C13orf46: variants seen among roughly 807,000 people sequenced by gnomAD.
The protein encoded by C13orf46 is uncharacterized protein C13orf46.
At chr13:113,950,228 C>A (rs1371566290), downstream of C13orf46, among the ~76,000 whole-genome samples, 2 of 134,692 alleles carry the variant, frequency 1.5e-5, 1 homozygote, top group Non-Finnish European at 3.1e-5. Context: ...CCTCGGTGCT[C>A]CCATCTGTAG....
At chr13:113,964,071 G>C (rs897179141) in intron 6 of C13orf46, among the ~76,000 whole-genome samples, 2 of 152,074 alleles carry the variant, frequency 1.3e-5, no homozygotes, top group Non-Finnish European at 2.9e-5. Flanking sequence ...GGATGGTCTC[G>C]ATCTCCTGAC....
chr13:113,941,765 G>A, the C13orf46 span, among the ~76,000 whole-genome samples: 10 of 152,288 alleles, frequency 6.6e-5, no homozygotes, highest in South Asian at 2.1e-4. Context: ...AGGCAGCTGC[G>A]CAGGGTCCCT....
chr13:113,961,324 T>C (rs2052584877), intron 6 of C13orf46, among the ~76,000 whole-genome samples: 1 of 151,966 alleles, frequency 6.6e-6, no homozygotes, highest in African/African-American at 2.4e-5. Flanking sequence ...ATAATTTTGA[T>C]AATGTCCAAT....
the C13orf46 span, among the ~76,000 whole-genome samples, chr13:113,943,049 G>A: frequency 6.6e-6 from 1 of 152,230 alleles, no homozygotes; most frequent in Non-Finnish European, 1.5e-5. Context: ...GTCCCACTGA[G>A]GCTCGGCTCC....
chr13:113,958,501 G>C (rs1330939984), intron 6 of C13orf46, among the ~76,000 whole-genome samples: 3 of 152,178 alleles, frequency 2.0e-5, no homozygotes, highest in Non-Finnish European at 2.9e-5. Flanking sequence ...TGCACACGAC[G>C]TCTGCCGCGG....
At chr13:113,935,046 A>C in the C13orf46 span, among the ~76,000 whole-genome samples, 8 of 152,138 alleles carry the variant, frequency 5.3e-5, no homozygotes, top group South Asian at 2.1e-4. Context: ...GAGCCAAGGC[A>C]TTCCTCCCTC....
the C13orf46 span, among the ~76,000 whole-genome samples, chr13:113,946,311 C>G: frequency 6.6e-6 from 1 of 152,210 alleles, no homozygotes; most frequent in African/African-American, 2.4e-5. Context: ...ACTCACGTAA[C>G]AGGACCTATG....
chr13:113,945,510 A>C, the C13orf46 span, among the ~76,000 whole-genome samples: 1 of 151,084 alleles, frequency 6.6e-6, no homozygotes. Context: ...GCGCCACTGC[A>C]CTCAGCCTGG....
chr13:113,942,521 A>G, the C13orf46 span, among the ~76,000 whole-genome samples: 10 of 152,182 alleles, frequency 6.6e-5, no homozygotes, highest in Non-Finnish European at 1.3e-4. Context: ...TGGACACATC[A>G]GCTCAGGAGC....
the C13orf46 span, among the ~76,000 whole-genome samples, chr13:113,933,435 T>C: frequency 6.6e-6 from 1 of 152,242 alleles, no homozygotes; most frequent in South Asian, 2.1e-4. Flanking sequence ...AATCAAGTAA[T>C]ATAAATTCTT....
chr13:113,957,072 T>C (rs1350157817), intron 6 of C13orf46, among the ~76,000 whole-genome samples: 1 of 150,128 alleles, frequency 6.7e-6, no homozygotes, highest in Non-Finnish European at 1.5e-5. Flanking sequence ...TATGCTCCCA[T>C]TTCATCAAGC....
downstream of C13orf46, among the ~76,000 whole-genome samples, chr13:113,952,609 C>G (rs981604105): frequency 1.3e-5 from 2 of 152,224 alleles, no homozygotes; most frequent in African/African-American, 4.8e-5. Flanking sequence ...CGGGGGCCAC[C>G]ACCCCAGGAC....
At chr13:113,965,752 A>ATGG (rs1465417063) in intron 5 of C13orf46, among the ~76,000 whole-genome samples, 1 of 47,760 alleles carries the variant, frequency 2.1e-5, no homozygotes, top group African/African-American at 1.1e-4. Flanking sequence ...GATGGTGATG[A>ATGG]TGGTGATGGT....
chr13:113,963,254 C>A (rs1424256817), intron 6 of C13orf46, among the ~76,000 whole-genome samples: 10 of 143,274 alleles, frequency 7.0e-5, no homozygotes, highest in Non-Finnish European at 1.4e-4. Context: ...TCGCCCCTGT[C>A]CTCAGCCTCG....
chr13:113,969,972 T>C (rs2052686883), intron 2 of C13orf46, among the ~76,000 whole-genome samples, 199 bp downstream of exon 2: 1 of 151,984 alleles, frequency 6.6e-6, no homozygotes, highest in South Asian at 2.1e-4. Context: ...GCTGAATTCC[T>C]CTCAAAATAA....
At chr13:113,951,394 C>T (rs1302114659), downstream of C13orf46, among the ~76,000 whole-genome samples, 1 of 152,318 alleles carries the variant, frequency 6.6e-6, no homozygotes, top group East Asian at 1.9e-4. Context: ...AGGCGCCCGA[C>T]GTCCCTTCGT....
At chr13:113,937,597 CTCCGGAGG>C in the C13orf46 span, among the ~76,000 whole-genome samples, 3 of 152,168 alleles carry the variant, frequency 2.0e-5, no homozygotes, top group Non-Finnish European at 2.9e-5. Flanking sequence ...GTGACACAGC[CTCCGGAGG>C]TCCTGACAAC....
intron 6 of C13orf46, among the ~76,000 whole-genome samples, chr13:113,958,991 C>T (rs1269262500): frequency 1.3e-5 from 2 of 152,152 alleles, no homozygotes; most frequent in Admixed American, 6.5e-5. Flanking sequence ...TTGAAAGATA[C>T]TAGGGGCCAG....
At chr13:113,963,817 T>G (rs1383434249) in intron 6 of C13orf46, among the ~76,000 whole-genome samples, 1 of 152,246 alleles carries the variant, frequency 6.6e-6, no homozygotes, top group Non-Finnish European at 1.5e-5. Context: ...ATAATTCCCG[T>G]TATTGTAAAT....
Sources: gnomAD v4.1 joint callset for allele counts (sites outside exome capture counted in the v4.1 genomes callset) on GRCh38, gnomAD v4.1.1 for gene constraint, MANE v1.5 for transcripts, NCBI Gene and HGNC (gene_info 2026-07-23, HGNC 2026-07-21) for gene names.